NRG3: variants seen among roughly 807,000 people sequenced by gnomAD.
NRG3 encodes pro-neuregulin-3, membrane-bound isoform.
Under a neutral mutation model 66.9 loss-of-function variants are expected in NRG3, and 31 were observed. The ratio of observed to expected loss-of-function variants is 0.46; its 90% CI spans 0.35 to 0.63. The LOEUF (loss-of-function observed/expected upper bound fraction) is 0.63, where lower values mean the gene tolerates loss of function less well. Ranked by LOEUF, NRG3 falls within the 20% of genes least tolerant of loss-of-function variation. The pLI, the probability that NRG3 is intolerant of heterozygous loss-of-function variation, is 0.00. For missense variants in NRG3, 910 were observed against 878.9 expected, an observed-to-expected ratio of 1.04 and a Z score of -0.45; for synonymous variants, 393 against 359.4, an observed-to-expected ratio of 1.09 and a Z score of -1.06.
At chr10:82,533,690 G>A (rs540974178) in intron 2 of NRG3, among the ~76,000 whole-genome samples, 1 of 152,160 alleles carries the variant, frequency 6.6e-6, no homozygotes, top group South Asian at 2.1e-4. Flanking sequence ...CCAAAGTAAG[G>A]ATACGTATCA....
At chr10:82,119,702 C>A (rs551035882) in intron 1 of NRG3, among the ~76,000 whole-genome samples, 1 of 152,080 alleles carries the variant, frequency 6.6e-6, no homozygotes, top group Non-Finnish European at 1.5e-5. Flanking sequence ...CAAATATATT[C>A]CTGTAAATAT....
Position 82,614,095 on chromosome 10 carries a change from T to C in NRG3, c.954-124482T>C, listed in dbSNP as rs533045321. On this transcript the variant is annotated intron_variant, in intron 2 of 8. Transcript: ENST00000372141. ...ATGTATTTTTAGTAGAGAAGAGGTT[T>C]CACCATGTTGGCCAGGCTGGTCTCA... Among the ~76,000 whole-genome samples, 13 of 150,214 alleles carry C rather than the reference T, an allele frequency of 8.7e-5. No individual in the cohort carries two copies. In the South Asian group the frequency reaches 2.7e-3, roughly 31 times the overall value.
rs574134348 is a variant in NRG3, at chr10:82,267,570, C to T, written c.824-91169C>T. 3.9e-4 allele frequency among the ~76,000 whole-genome samples: 60 copies of T among 152,306 alleles called. 1 individual carries two copies. In the South Asian group the frequency reaches 0.012, roughly 31 times the overall value. ...CTCTGGCTGCTGTTTCATTCTAAGC[C>T]TCTGCAGACACATTCTTCATAGCTG... is the stretch of plus-strand genomic sequence containing the variant. On this transcript the variant is annotated intron_variant, in intron 1 of 8. Transcript: ENST00000372141.
chr10:82,207,236 ATAT>A (rs1407782066), intron 1 of NRG3, among the ~76,000 whole-genome samples: 1 of 152,176 alleles, frequency 6.6e-6, no homozygotes, highest in Non-Finnish European at 1.5e-5. Context: ...AGACAGTGAA[ATAT>A]TATTTTTGGC....
intron 2 of NRG3, among the ~76,000 whole-genome samples, chr10:82,664,800 A>G (rs921324987): frequency 4.6e-5 from 7 of 151,916 alleles, no homozygotes; most frequent in African/African-American, 1.7e-4. Flanking sequence ...TCCAGCTTTC[A>G]CTCCATGATG....
intron 1 of NRG3, among the ~76,000 whole-genome samples, chr10:81,969,440 A>G (rs2059846062): frequency 6.6e-6 from 1 of 152,166 alleles, no homozygotes; most frequent in African/African-American, 2.4e-5. Flanking sequence ...TGGCTTTCTT[A>G]CTGGTGTAGA....
intron 1 of NRG3, among the ~76,000 whole-genome samples, chr10:82,316,975 C>T (rs1355659430): frequency 6.6e-6 from 1 of 152,144 alleles, no homozygotes; most frequent in Non-Finnish European, 1.5e-5. Context: ...ATGTGTTCAG[C>T]GTGCAGGTCA....
intron 2 of NRG3, among the ~76,000 whole-genome samples, chr10:82,568,990 G>A (rs1243185610): frequency 1.3e-5 from 2 of 151,662 alleles, no homozygotes; most frequent in Non-Finnish European, 2.9e-5. Flanking sequence ...TAACATGTCA[G>A]GTTCTCAAGT....
intron 2 of NRG3, among the ~76,000 whole-genome samples, chr10:82,641,719 A>G (rs984485807): frequency 6.6e-6 from 1 of 152,152 alleles, no homozygotes; most frequent in Non-Finnish European, 1.5e-5. Context: ...TGCCTTCAAA[A>G]TAATACAAAA....
At chr10:82,667,494 G>A (rs2052894450) in intron 2 of NRG3, among the ~76,000 whole-genome samples, 1 of 152,134 alleles carries the variant, frequency 6.6e-6, no homozygotes, top group South Asian at 2.1e-4. Context: ...AGTCTTTAGT[G>A]CGGTGCTCAA....
chr10:82,849,243 A>T (rs2063452339), intron 3 of NRG3, among the ~76,000 whole-genome samples: 1 of 152,164 alleles, frequency 6.6e-6, no homozygotes, highest in Non-Finnish European at 1.5e-5. Context: ...AACAGCAAAG[A>T]TTGCCAGTGA....
intron 2 of NRG3, among the ~76,000 whole-genome samples, chr10:82,583,412 A>G (rs1421895612): frequency 2.0e-5 from 3 of 152,182 alleles, no homozygotes; most frequent in Non-Finnish European, 2.9e-5. Flanking sequence ...AAAATTGTTA[A>G]GTAGAGTATT....
intron 2 of NRG3, among the ~76,000 whole-genome samples, chr10:82,711,054 G>A (rs1019544531): frequency 6.6e-6 from 1 of 152,016 alleles, no homozygotes; most frequent in Non-Finnish European, 1.5e-5. Flanking sequence ...TTACAGTCCT[G>A]AGCTATTTTG....
intron 2 of NRG3, among the ~76,000 whole-genome samples, chr10:82,587,312 C>T (rs1224947365): frequency 6.7e-6 from 1 of 150,170 alleles, no homozygotes; most frequent in African/African-American, 2.4e-5. Flanking sequence ...AAAGTATATG[C>T]TATTCATATA....
intron 3 of NRG3, among the ~76,000 whole-genome samples, chr10:82,775,365 C>A (rs532895008): frequency 7.3e-5 from 11 of 151,256 alleles, no homozygotes; most frequent in African/African-American, 2.7e-4. Context: ...GTTCTTTGAC[C>A]AATTGGTTGT....
At chr10:82,491,864 A>G (rs1054166449) in intron 2 of NRG3, among the ~76,000 whole-genome samples, 2 of 152,346 alleles carry the variant, frequency 1.3e-5, no homozygotes, top group Admixed American at 1.3e-4. Flanking sequence ...ATGTTGTCAT[A>G]TGCCTATCTG....
chr10:82,015,389 T>A (rs938201998), intron 1 of NRG3, among the ~76,000 whole-genome samples: 1 of 152,158 alleles, frequency 6.6e-6, no homozygotes, highest in African/African-American at 2.4e-5. Flanking sequence ...CTGTTTGCAA[T>A]CAAAGTTGGG....
At position 82,232,484 on chromosome 10, in the gene NRG3, G is replaced by A. The variant is rs1399495442; in HGVS notation, c.824-126255G>A. 11 of 404,760 alleles carry A rather than the reference G, an allele frequency of 2.7e-5. No individual in the cohort carries two copies. The South Asian group carries it at 3.0e-4, about 11-fold the overall frequency. 25.1% of individuals were successfully genotyped at this position (404,760 alleles called of 1,614,324 possible). ...CTCTGTGTTGCTTGTGCTTACAGTA[G>A]AGATGGCTCTTCTCCTAACAGGTGC... On this transcript the variant is annotated intron_variant, in intron 1 of 8. Coordinates refer to ENST00000372141, the MANE Select transcript of NRG3 (RefSeq NM_001010848.4).
intron 2 of NRG3, among the ~76,000 whole-genome samples, chr10:82,595,709 C>T (rs774027695): frequency 6.6e-6 from 1 of 151,644 alleles, no homozygotes; most frequent in Non-Finnish European, 1.5e-5. Flanking sequence ...CGCTTGAACC[C>T]GGGAGGCAGA....
Sources: gnomAD v4.1 joint callset for allele counts (sites outside exome capture counted in the v4.1 genomes callset) on GRCh38, gnomAD v4.1.1 for gene constraint, MANE v1.5 for transcripts, NCBI Gene and HGNC (gene_info 2026-07-23, HGNC 2026-07-21) for gene names.